The following DMRT1 variants were observed in gnomAD, a reference collection of about 807,000 sequenced individuals.
DMRT1 encodes the protein doublesex- and mab-3-related transcription factor 1.
DMRT1 carries 7 observed loss-of-function variants against 32.3 expected under a neutral mutation model. The observed-to-expected ratio is 0.22, with a 90% CI of 0.12 to 0.41. DMRT1 has a LOEUF of 0.41. Ranked by LOEUF, DMRT1 falls within the 10% of genes least tolerant of loss-of-function variation. The pLI, the probability that DMRT1 is intolerant of heterozygous loss-of-function variation, is 1.00. For missense variants in DMRT1, 625 were observed against 500.5 expected (o/e 1.25, Z -2.37); for synonymous variants, 278 against 206.1 (o/e 1.35, Z -2.99).
chr9:872,905 C>T (rs1816334628), intron 2 of DMRT1, among the ~76,000 whole-genome samples: 1 of 152,152 alleles, frequency 6.6e-6, no homozygotes, highest in Non-Finnish European at 1.5e-5. Flanking sequence ...CATACATTTA[C>T]ACAAAAATTT....
intron 4 of DMRT1, among the ~76,000 whole-genome samples, chr9:930,860 G>T (rs1415567900): frequency 6.6e-6 from 1 of 152,070 alleles, no homozygotes; most frequent in Non-Finnish European, 1.5e-5. Flanking sequence ...TTTTATAACT[G>T]CTTCATTAAA....
At chr9:880,724 CAAAAAAAA>C (rs754419367) in intron 2 of DMRT1, among the ~76,000 whole-genome samples, 1 of 62,078 alleles carries the variant, frequency 1.6e-5, no homozygotes, top group African/African-American at 5.2e-5. Context: ...AACTCAGTCT[CAAAAAAAA>C]AAAAAAAAAA....
At chr9:845,190 T>G (rs1183142471) in intron 1 of DMRT1, among the ~76,000 whole-genome samples, 1 of 152,132 alleles carries the variant, frequency 6.6e-6, no homozygotes, top group African/African-American at 2.4e-5. Flanking sequence ...TCTTTAAACC[T>G]GTTTTTTCAA....
At chr9:930,955 C>T (rs1352617887) in intron 4 of DMRT1, among the ~76,000 whole-genome samples, 1 of 152,214 alleles carries the variant, frequency 6.6e-6, no homozygotes, top group African/African-American at 2.4e-5. Flanking sequence ...ATGGAACCAT[C>T]ACTGCTATCT....
At chr9:861,331 C>A (rs1247192433) in intron 2 of DMRT1, among the ~76,000 whole-genome samples, 1 of 152,092 alleles carries the variant, frequency 6.6e-6, no homozygotes, top group East Asian at 1.9e-4. Flanking sequence ...CGCCCTTAAT[C>A]CATTTAACCC....
At chr9:943,039 C>T (rs1024866423) in intron 4 of DMRT1, among the ~76,000 whole-genome samples, 1 of 150,970 alleles carries the variant, frequency 6.6e-6, no homozygotes, top group Non-Finnish European at 1.5e-5. Flanking sequence ...ATATCTGTGT[C>T]TTAGTTTGGG....
rs533047129 is a variant in DMRT1, at chr9:912,031, T to G, written c.823-4732T>G. 1.4e-3 allele frequency among the ~76,000 whole-genome samples: 215 copies of G among 152,278 alleles called. 1 individual carries two copies. The highest frequency in any genetic ancestry group is 5.1e-3 in the African/African-American group (211 of 41,556). On this transcript the variant is annotated intron_variant, in intron 3 of 4. Coordinates refer to ENST00000382276, the MANE Select transcript of DMRT1 (RefSeq NM_021951.3). ...TTTATAAATAAAAAAAGAGGTCTAA[T>G]TAACTCACAGGTCCGCATGGCTGGG...
At chr9:917,463 G>A (rs1265280104) in intron 4 of DMRT1, among the ~76,000 whole-genome samples, 2 of 152,146 alleles carry the variant, frequency 1.3e-5, no homozygotes, top group Non-Finnish European at 1.5e-5. Context: ...ATAGTAACTC[G>A]ACTTCAATTT....
At chr9:855,295 T>C (rs1343747307) in intron 2 of DMRT1, among the ~76,000 whole-genome samples, 1 of 152,194 alleles carries the variant, frequency 6.6e-6, no homozygotes, top group Non-Finnish European at 1.5e-5. Context: ...CCAGGAAACG[T>C]AAATACAGGG....
rs529828101 is a variant in DMRT1, at chr9:967,871, G to A, written c.968-114G>A. 3.1e-6 allele frequency: 3 copies of A among 971,196 alleles called. No individual in the cohort carries two copies. The East Asian group carries it at 7.7e-5, about 25-fold the overall frequency. 60.2% of individuals were successfully genotyped at this position (971,196 alleles called of 1,614,324 possible). A position where few individuals can be genotyped will look rare whatever the true frequency, so the allele number is the denominator to read the frequency against. Reference sequence around the variant, plus strand: ...ACTTTCAACTCAGAATAGAAATGGAGAGCGTCACTTTCTTTGTTGTAACCT... The same window carrying A: ...ACTTTCAACTCAGAATAGAAATGGAAAGCGTCACTTTCTTTGTTGTAACCT... On this transcript the variant is annotated intron_variant, in intron 4 of 4. Transcript: ENST00000382276.
rs552878647 is a variant in DMRT1, at chr9:936,753, CAA to C, written c.967+19862_967+19863del. ...TGGGCAACAGAGCAAAACTTCATCT[CAA>C]AAAAAAAAAAAAAAAGTCTTCTTCA... On this transcript the variant is annotated intron_variant, in intron 4 of 4. Transcript: ENST00000382276. Among the ~76,000 whole-genome samples, 539 of 105,578 alleles carry C rather than the reference CAA, an allele frequency of 5.1e-3. 2 individuals carry two copies. Among genetic ancestry groups the C allele is most frequent in the African/African-American group, 0.015 (493 of 32,612 alleles). The allele number at this position is 105,578 out of a possible 152,430, so 69.3% of individuals were successfully genotyped here. A position where few individuals can be genotyped will look rare whatever the true frequency, so the allele number is the denominator to read the frequency against.
At position 962,695 on chromosome 9, in the gene DMRT1, G is replaced by A. The variant is rs1404464002; in HGVS notation, c.968-5290G>A. On this transcript the variant is annotated intron_variant, in intron 4 of 4. Coordinates refer to ENST00000382276, the MANE Select transcript of DMRT1 (RefSeq NM_021951.3). ...GCTTGAGTCCCTGGTTGGGGTATAA[G>A]GCTGAATGCGCCCCTTCTTTCTCTT... Among the ~76,000 whole-genome samples the A allele has an allele frequency of 5.3e-5, 8 of 152,228 alleles. No homozygotes were observed. In the East Asian group the frequency reaches 1.5e-3, roughly 29 times the overall value.
At chr9:949,980 C>T (rs1252503268) in intron 4 of DMRT1, among the ~76,000 whole-genome samples, 1 of 152,198 alleles carries the variant, frequency 6.6e-6, no homozygotes, top group Non-Finnish European at 1.5e-5. Flanking sequence ...TAGGTTGCTT[C>T]CATGCATTCC....
At chr9:855,105 C>T (rs1815342057) in intron 2 of DMRT1, among the ~76,000 whole-genome samples, 1 of 151,808 alleles carries the variant, frequency 6.6e-6, no homozygotes, top group African/African-American at 2.4e-5. Flanking sequence ...TAGATAGTGT[C>T]TCAATTTTGT....
chr9:889,860 C>G (rs1192224272), intron 2 of DMRT1, among the ~76,000 whole-genome samples: 1 of 152,108 alleles, frequency 6.6e-6, no homozygotes. Context: ...GCCTAAGTGT[C>G]TAAAATGCCT....
At chr9:897,838 C>T (rs1410419484) in intron 3 of DMRT1, among the ~76,000 whole-genome samples, 1 of 152,078 alleles carries the variant, frequency 6.6e-6, no homozygotes, top group Non-Finnish European at 1.5e-5. Context: ...CATATGTTAA[C>T]TATTATCAAA....
At chr9:914,041 A>T (rs1270938359) in intron 3 of DMRT1, among the ~76,000 whole-genome samples, 4 of 152,020 alleles carry the variant, frequency 2.6e-5, no homozygotes, top group Non-Finnish European at 5.9e-5. Context: ...TTTTAACAGG[A>T]CCCCCTGGCC....
At chr9:941,328 C>CT (rs1819061306) in intron 4 of DMRT1, among the ~76,000 whole-genome samples, 1 of 123,794 alleles carries the variant, frequency 8.1e-6, no homozygotes, top group African/African-American at 4.0e-5. Context: ...CACACACCCC[C>CT]TCCCCCCCCC....
chr9:952,614 C>T (rs1408939904), intron 4 of DMRT1, among the ~76,000 whole-genome samples: 2 of 152,144 alleles, frequency 1.3e-5, no homozygotes, highest in Non-Finnish European at 2.9e-5. Flanking sequence ...GAGCTGAGGT[C>T]GCCATTTGTT....
Sources: allele counts gnomAD v4.1 joint callset (sites outside exome capture counted in the v4.1 genomes callset), GRCh38; gene constraint gnomAD v4.1.1; transcripts MANE v1.5; gene names NCBI Gene and HGNC (gene_info 2026-07-23, HGNC 2026-07-21).